Variants in SLAMF9 observed in about 807,000 individuals in gnomAD.
SLAMF9 encodes CD2 family member 10.
In SLAMF9, 25 loss-of-function variants were observed where a neutral mutation model predicts 30.4. The ratio of observed to expected loss-of-function variants is 0.82; its 90% CI spans 0.60 to 1.15. The LOEUF is 1.15. SLAMF9 is among the 50% of genes most tolerant of loss of function. SLAMF9 has a pLI of 0.00. For missense variants in SLAMF9, 344 were observed against 346.1 expected (o/e 0.99, Z 0.05); for synonymous variants, 129 against 127.2 (o/e 1.01, Z -0.09).
At chr1:159,963,364 G>C in the SLAMF9 span, among the ~76,000 whole-genome samples, 1 of 152,146 alleles carries the variant, frequency 6.6e-6, no homozygotes, top group Non-Finnish European at 1.5e-5. Context: ...GTTTATTCAA[G>C]AACGTTAGCT....
the SLAMF9 span, among the ~76,000 whole-genome samples, chr1:159,961,038 T>C: frequency 6.6e-6 from 1 of 152,174 alleles, no homozygotes; most frequent in African/African-American, 2.4e-5. Flanking sequence ...TCTTCTTGGA[T>C]TATCTCCCAG....
At chr1:159,970,401 A>T in the SLAMF9 span, among the ~76,000 whole-genome samples, 1 of 152,238 alleles carries the variant, frequency 6.6e-6, no homozygotes, top group Non-Finnish European at 1.5e-5. Context: ...GATGCTGTTC[A>T]TTATCATCGC....
At chr1:159,955,042 C>A (rs1206865788), upstream of SLAMF9, among the ~76,000 whole-genome samples, 4 of 147,524 alleles carry the variant, frequency 2.7e-5, no homozygotes, top group African/African-American at 1.0e-4. Context: ...TGTGCCACTG[C>A]ACTCCAGCCT....
At chr1:159,963,391 C>A in the SLAMF9 span, among the ~76,000 whole-genome samples, 2 of 152,098 alleles carry the variant, frequency 1.3e-5, no homozygotes, top group African/African-American at 4.8e-5. Flanking sequence ...ACCAATCAGC[C>A]CACAGTCTAA....
the SLAMF9 span, among the ~76,000 whole-genome samples, chr1:159,976,227 G>A: frequency 1.3e-5 from 2 of 151,996 alleles, no homozygotes; most frequent in Non-Finnish European, 1.5e-5. Context: ...TTATTAATAA[G>A]GAATTTGTTA....
chr1:159,982,766 C>G, the SLAMF9 span, among the ~76,000 whole-genome samples: 3 of 152,200 alleles, frequency 2.0e-5, no homozygotes, highest in Non-Finnish European at 2.9e-5. Context: ...CGCGGTGGCT[C>G]ACGCCTGTAA....
chr1:159,968,330 T>C, the SLAMF9 span, among the ~76,000 whole-genome samples: 2 of 152,230 alleles, frequency 1.3e-5, no homozygotes, highest in Admixed American at 1.3e-4. Flanking sequence ...TTGTAATTCT[T>C]TAGGGATAGC....
the SLAMF9 span, chr1:159,978,519 A>T: frequency 6.6e-6 from 1 of 152,244 alleles, no homozygotes; most frequent in South Asian, 2.1e-4. Context: ...AGGGAGACAG[A>T]TGAGCATGCA....
At chr1:159,970,926 A>G in the SLAMF9 span, among the ~76,000 whole-genome samples, 2 of 152,368 alleles carry the variant, frequency 1.3e-5, no homozygotes, top group Admixed American at 1.3e-4. Context: ...AAGCGCACAG[A>G]GTCCAGGGAA....
chr1:159,969,974 C>T, the SLAMF9 span, among the ~76,000 whole-genome samples: 118 of 152,070 alleles, frequency 7.8e-4, no homozygotes, highest in African/African-American at 2.3e-3. Context: ...CGCTTGAGCC[C>T]GGGGGTGAAG....
At chr1:159,956,229 G>A (rs61821969), upstream of SLAMF9, among the ~76,000 whole-genome samples, 38 of 152,308 alleles carry the variant, frequency 2.5e-4, no homozygotes, top group South Asian at 8.3e-4. Context: ...GCTTTGGGAG[G>A]CCAAGGCAGG....
the SLAMF9 span, among the ~76,000 whole-genome samples, chr1:159,974,920 C>T: frequency 6.6e-6 from 1 of 152,160 alleles, no homozygotes; most frequent in Non-Finnish European, 1.5e-5. Context: ...AGGCACCTTC[C>T]ATCACTCCTG....
At chr1:159,981,593 C>T in the SLAMF9 span, among the ~76,000 whole-genome samples, 3 of 152,244 alleles carry the variant, frequency 2.0e-5, no homozygotes, top group Non-Finnish European at 2.9e-5. Flanking sequence ...TCCATTCTCC[C>T]GTGACTGGCC....
chr1:159,973,914 A>C, the SLAMF9 span: 9 of 1,612,476 alleles, frequency 5.6e-6, no homozygotes, highest in African/African-American at 1.3e-5. Context: ...TCTCATGGAC[A>C]GAGTCTGGTT....
the SLAMF9 span, among the ~76,000 whole-genome samples, chr1:159,974,399 A>T: frequency 3.3e-5 from 5 of 152,054 alleles, no homozygotes; most frequent in African/African-American, 1.2e-4. Context: ...GAATCATCCC[A>T]ATTATGTAGC....
At chr1:159,957,121 C>CAAAAA (rs55697835), upstream of SLAMF9, among the ~76,000 whole-genome samples, 2 of 73,176 alleles carry the variant, frequency 2.7e-5, no homozygotes, top group Non-Finnish European at 4.5e-5. Context: ...GACTCTGTCT[C>CAAAAA]AAAAAAAAAA....
At chr1:159,983,099 C>T in the SLAMF9 span, 1 of 152,196 alleles carries the variant, frequency 6.6e-6, no homozygotes, top group East Asian at 1.9e-4. Flanking sequence ...ATATCTTGGC[C>T]ATTCATTAGA....
the SLAMF9 span, chr1:159,972,741 G>C: frequency 5.6e-6 from 2 of 358,550 alleles, no homozygotes; most frequent in Admixed American, 4.1e-5. Flanking sequence ...CAGGATTGGA[G>C]GGGAGCCCCT....
intron 1 of SLAMF9, 106 bp from the exon 2 acceptor site, chr1:159,953,759 A>G: frequency 1.0e-6 from 1 of 998,114 alleles, no homozygotes; most frequent in Non-Finnish European, 1.4e-6. Context: ...GGCAGCTTCT[A>G]TGACTCTCAC....
Sources: gnomAD v4.1 joint callset for allele counts (sites outside exome capture counted in the v4.1 genomes callset) on GRCh38, gnomAD v4.1.1 for gene constraint, MANE v1.5 for transcripts, NCBI Gene and HGNC (gene_info 2026-07-23, HGNC 2026-07-21) for gene names.